Variants in HDAC9 observed in about 807,000 individuals in gnomAD.
HDAC9 encodes MEF-2 interacting transcription repressor (MITR) protein.
HDAC9 carries 41 observed loss-of-function variants against 139.4 expected under a neutral mutation model. The observed-to-expected ratio is 0.29, with a 90% CI of 0.23 to 0.38. HDAC9 has a LOEUF of 0.38. Among genes scored for constraint, HDAC9 ranks in the 10% least tolerant of loss-of-function variants. The probability of loss-of-function intolerance (pLI) is 1.00; values close to 1 mark genes in which losing one functional copy is unlikely to be tolerated. For synonymous variants in HDAC9, 517 were observed against 476.2 expected (o/e 1.09, Z -1.12); for missense variants, 1,147 against 1,297.0 (o/e 0.88, Z 1.78).
At chr7:18,292,335 C>T (rs560477643) in intron 1 of HDAC9, among the ~76,000 whole-genome samples, 1 of 152,210 alleles carries the variant, frequency 6.6e-6, no homozygotes, top group South Asian at 2.1e-4. Flanking sequence ...CTTCTTAGAG[C>T]GTTTGTCCAC....
intron 2 of HDAC9, among the ~76,000 whole-genome samples, chr7:18,505,119 A>C (rs960212271): frequency 1.3e-5 from 2 of 152,212 alleles, no homozygotes; most frequent in Non-Finnish European, 2.9e-5. Flanking sequence ...TAAGGAAACC[A>C]AGCTTCTATG....
At chr7:18,187,031 C>T (rs912268864) in intron 2 of HDAC9, among the ~76,000 whole-genome samples, 1 of 152,186 alleles carries the variant, frequency 6.6e-6, no homozygotes, top group African/African-American at 2.4e-5. Flanking sequence ...TAGTTACTGC[C>T]TAATGGGCAA....
chr7:18,538,035 C>T (rs1003099245), intron 2 of HDAC9, among the ~76,000 whole-genome samples: 1 of 152,214 alleles, frequency 6.6e-6, no homozygotes, highest in South Asian at 2.1e-4. Flanking sequence ...TAGTAGACCA[C>T]TCATTCTTCT....
intron 7 of HDAC9, among the ~76,000 whole-genome samples, chr7:18,630,819 G>T (rs759468956): frequency 3.3e-5 from 5 of 151,952 alleles, no homozygotes; most frequent in African/African-American, 9.7e-5. Context: ...TCTTTGATGG[G>T]GGTGGGCAGT....
At chr7:18,112,064 G>A (rs974392747) in intron 1 of HDAC9, among the ~76,000 whole-genome samples, 2 of 152,186 alleles carry the variant, frequency 1.3e-5, no homozygotes, top group Admixed American at 1.3e-4. Context: ...AATAGATGTA[G>A]TAAAAATATT....
chr7:18,777,973 A>G (rs568756432), intron 16 of HDAC9, among the ~76,000 whole-genome samples: 1 of 152,060 alleles, frequency 6.6e-6, no homozygotes, highest in Admixed American at 6.6e-5. Context: ...TTTTATTGCT[A>G]AAGATGCAAT....
intron 1 of HDAC9, among the ~76,000 whole-genome samples, chr7:18,343,282 T>C (rs1053796971): frequency 6.6e-6 from 1 of 151,780 alleles, no homozygotes; most frequent in Non-Finnish European, 1.5e-5. Flanking sequence ...AGGTGAAATG[T>C]AGAAGCTACT....
intron 1 of HDAC9, among the ~76,000 whole-genome samples, chr7:18,346,038 T>A (rs562761242): frequency 9.9e-5 from 15 of 152,218 alleles, no homozygotes; most frequent in African/African-American, 3.6e-4. Context: ...GAGACTAAAG[T>A]AGACCAATGC....
intron 21 of HDAC9, among the ~76,000 whole-genome samples, chr7:18,850,633 A>G (rs982223754): frequency 5.3e-5 from 8 of 152,230 alleles, no homozygotes; most frequent in African/African-American, 1.9e-4. Flanking sequence ...ACATGTCTAG[A>G]ATAGAGGCTT....
At chr7:18,806,564 T>C (rs1016215836) in intron 17 of HDAC9, among the ~76,000 whole-genome samples, 3 of 152,228 alleles carry the variant, frequency 2.0e-5, no homozygotes, top group Non-Finnish European at 2.9e-5. Context: ...GTGACCACGG[T>C]TGGAAAAGGC....
chr7:18,239,681 T>C (rs961278592), intron 2 of HDAC9, among the ~76,000 whole-genome samples: 2 of 152,172 alleles, frequency 1.3e-5, no homozygotes, highest in Non-Finnish European at 2.9e-5. Context: ...ACGTGATAAA[T>C]TTTAGCAGAG....
intron 22 of HDAC9, among the ~76,000 whole-genome samples, chr7:18,892,397 G>C (rs1018758470): frequency 2.0e-5 from 3 of 152,060 alleles, no homozygotes; most frequent in African/African-American, 7.2e-5. Context: ...AGAAACTAAA[G>C]CATAAAAAAG....
intron 1 of HDAC9, among the ~76,000 whole-genome samples, chr7:18,095,890 A>G (rs373652784): frequency 5.3e-5 from 8 of 152,176 alleles, no homozygotes; most frequent in Admixed American, 2.6e-4. Context: ...TCTTTAATCT[A>G]TTTCTATGTT....
chr7:18,994,574 A>T (rs1472456415), intron 25 of HDAC9, among the ~76,000 whole-genome samples: 1 of 152,174 alleles, frequency 6.6e-6, no homozygotes, highest in Non-Finnish European at 1.5e-5. Flanking sequence ...CTTTTTTGGT[A>T]ACAATAAATA....
intron 1 of HDAC9, among the ~76,000 whole-genome samples, chr7:18,342,816 T>C (rs1782115452): frequency 2.0e-5 from 3 of 151,848 alleles, no homozygotes; most frequent in Admixed American, 6.6e-5. Flanking sequence ...TGAATTCAAT[T>C]TCTATTTCTA....
chr7:18,375,631 A>G (rs1054692763), intron 1 of HDAC9, among the ~76,000 whole-genome samples: 8 of 152,130 alleles, frequency 5.3e-5, no homozygotes, highest in African/African-American at 1.9e-4. Context: ...TGAGGGGTGA[A>G]TGGGTGCTGC....
At position 18,733,763 on chromosome 7, in the gene HDAC9, G is replaced by A. The variant is rs553250493; in HGVS notation, c.1909+6006G>A. On this transcript the variant is annotated intron_variant, in intron 13 of 25. Coordinates refer to ENST00000686413, the MANE Select transcript of HDAC9 (RefSeq NM_178425.4). The stretch of plus-strand genomic sequence containing the variant: ...ATTTCATCCTATTACCTTCACACAT[G>A]TTTTGAAGACAGACTTATTGGGACA... Among the ~76,000 whole-genome samples the A allele has an allele frequency of 2.0e-5, 3 of 152,042 alleles. No homozygotes were observed. In the East Asian group the frequency reaches 5.8e-4, roughly 29 times the overall value.
At chr7:18,774,812 TAA>T (rs1790617032) in intron 16 of HDAC9, among the ~76,000 whole-genome samples, 4 of 152,186 alleles carry the variant, frequency 2.6e-5, no homozygotes, top group African/African-American at 7.2e-5. Context: ...CAGTTTCCTT[TAA>T]AAACTTTTCC....
intron 2 of HDAC9, among the ~76,000 whole-genome samples, chr7:18,254,005 A>G (rs1413847332): frequency 1.3e-5 from 2 of 152,254 alleles, no homozygotes; most frequent in Non-Finnish European, 1.5e-5. Flanking sequence ...GTTTTGAAAC[A>G]TGCAGCACTG....
Sources: allele counts gnomAD v4.1 joint callset (sites outside exome capture counted in the v4.1 genomes callset), GRCh38; gene constraint gnomAD v4.1.1; transcripts MANE v1.5; gene names NCBI Gene and HGNC (gene_info 2026-07-23, HGNC 2026-07-21).